DNAH11: variants seen among roughly 807,000 people sequenced by gnomAD.
DNAH11 encodes the protein axonemal beta dynein heavy chain 11.
A neutral mutation model predicts 526.0 loss-of-function variants in DNAH11; 442 were observed. The observed-to-expected ratio is 0.84, with a 90% CI of 0.78 to 0.91. The LOEUF is 0.91. DNAH11 is among the 40% of genes least tolerant of loss of function. DNAH11 has a pLI of 0.00. For synonymous variants in DNAH11, 2,461 were observed against 1,935.9 expected (o/e 1.27, Z -7.12); for missense variants, 6,989 against 5,448.7 (o/e 1.28, Z -8.90).
In DNAH11 at chr7:21,765,445, T is replaced by G. The variant is rs1284717783; in HGVS notation, c.8958T>G (p.Ser2986=). The change falls in exon 55 of 82, where the codon TCT becomes TCG. Residue 2986 remains serine (S), a synonymous_variant. Coordinates refer to ENST00000409508, the MANE Select transcript of DNAH11 (RefSeq NM_001277115.2). Reference sequence around the variant, plus strand: ...CTCCACAGATCATTTTGTGTTTCTCTCCAGTTGGTCGCACGCTGAGAGTTA... The same window carrying G: ...CTCCACAGATCATTTTGTGTTTCTCGCCAGTTGGTCGCACGCTGAGAGTTA... ...RLQLKIILCF[S]PVGRTLRVRA... The G allele has an allele frequency of 3.2e-5, 52 of 1,613,710 alleles. No homozygotes were observed. Among genetic ancestry groups the G allele is most frequent in the Non-Finnish European group, 4.2e-5 (49 of 1,179,784 alleles).
chr7:21,545,241 G>A, intron 2 of DNAH11, 92 bp downstream of exon 2: 1 of 870,986 alleles, frequency 1.1e-6, no homozygotes, highest in Non-Finnish European at 1.6e-6. Flanking sequence ...AAAAAGAAGA[G>A]CTAGGAGGGG....
chr7:21,636,411 A>G (rs1937012589), intron 26 of DNAH11, among the ~76,000 whole-genome samples: 1 of 152,180 alleles, frequency 6.6e-6, no homozygotes, highest in African/African-American at 2.4e-5. Flanking sequence ...ATGTGTCACA[A>G]AATACACTGT....
chr7:21,791,094 A>G (rs1183093288), intron 61 of DNAH11, among the ~76,000 whole-genome samples: 2 of 152,192 alleles, frequency 1.3e-5, no homozygotes, highest in South Asian at 4.1e-4. Flanking sequence ...GATGAGATAC[A>G]GAGAGACGGG....
chr7:21,603,028 C>T (rs1785152960), intron 18 of DNAH11, among the ~76,000 whole-genome samples: 1 of 152,162 alleles, frequency 6.6e-6, no homozygotes, highest in Non-Finnish European at 1.5e-5. Context: ...TGTCTCTCCC[C>T]ATTATCCTCC....
chr7:21,594,055 TAC>T (rs746527002), intron 14 of DNAH11, among the ~76,000 whole-genome samples: 3 of 77,668 alleles, frequency 3.9e-5, no homozygotes, highest in Non-Finnish European at 2.8e-5. Context: ...CACTCTTTCA[TAC>T]ACACATACAC....
At chr7:21,583,790 A>T (rs532415568) in intron 9 of DNAH11, among the ~76,000 whole-genome samples, 2 of 152,386 alleles carry the variant, frequency 1.3e-5, no homozygotes, top group Admixed American at 6.5e-5. Flanking sequence ...GACACTTCTC[A>T]AAAAGAGACA....
At chr7:21,719,899 A>G (rs574533259) in intron 43 of DNAH11, among the ~76,000 whole-genome samples, 1 of 152,240 alleles carries the variant, frequency 6.6e-6, no homozygotes, top group Admixed American at 6.5e-5. Flanking sequence ...ATTAATGACG[A>G]CTTTCTGTGC....
At chr7:21,581,702 A>C (rs1397757095) in intron 8 of DNAH11, among the ~76,000 whole-genome samples, 1 of 152,200 alleles carries the variant, frequency 6.6e-6, no homozygotes, top group Admixed American at 6.5e-5. Context: ...CTAAGCTTTC[A>C]GTGATTCTGT....
chr7:21,664,429 C>T (rs1162162913), intron 30 of DNAH11, among the ~76,000 whole-genome samples: 1 of 151,418 alleles, frequency 6.6e-6, no homozygotes, highest in South Asian at 2.1e-4. Context: ...GCAATTCTTT[C>T]AGGTTTCTAT....
At chr7:21,597,772 G>A (rs551500384) in intron 14 of DNAH11, among the ~76,000 whole-genome samples, 8 of 152,280 alleles carry the variant, frequency 5.3e-5, no homozygotes, top group Non-Finnish European at 7.4e-5. Context: ...GAGTCAAACC[G>A]TATTAATATC....
At chr7:21,790,213 A>G (rs905739989) in intron 61 of DNAH11, among the ~76,000 whole-genome samples, 4 of 151,996 alleles carry the variant, frequency 2.6e-5, no homozygotes, top group Non-Finnish European at 5.9e-5. Flanking sequence ...TTGGGAGGCC[A>G]AGGCGGGCAG....
intron 36 of DNAH11, 31 bp downstream of exon 36, chr7:21,698,244 T>C: frequency 6.2e-7 from 1 of 1,609,944 alleles, no homozygotes; most frequent in Non-Finnish European, 8.5e-7. Context: ...TTTTCTTGTT[T>C]TTACATACCA....
intron 5 of DNAH11, among the ~76,000 whole-genome samples, chr7:21,562,515 C>G (rs1239542837): frequency 6.6e-6 from 1 of 151,966 alleles, no homozygotes; most frequent in African/African-American, 2.4e-5. Flanking sequence ...AGGAATGAAT[C>G]CCAGGGTTCC....
intron 74 of DNAH11, among the ~76,000 whole-genome samples, chr7:21,874,333 T>TG (rs11387867): frequency 0.32 from 27,906 of 86,354 alleles, 2,921 homozygotes; most frequent in Non-Finnish European, 0.38. Flanking sequence ...ACATGGTTTT[T>TG]TTTTGTTTTT....
At chr7:21,791,709 T>C (rs773676460) in intron 61 of DNAH11, among the ~76,000 whole-genome samples, 6 of 152,230 alleles carry the variant, frequency 3.9e-5, no homozygotes, top group Non-Finnish European at 5.9e-5. Context: ...TAAGATACTA[T>C]TTAGTGTGCA....
chr7:21,738,585 T>C (rs1785723967), intron 46 of DNAH11, 116 bp from the exon 47 acceptor site: 2 of 1,076,528 alleles, frequency 1.9e-6, no homozygotes, highest in Non-Finnish European at 2.6e-6. Context: ...GAAGGGGCGA[T>C]ACCTGAAACC....
intron 44 of DNAH11, among the ~76,000 whole-genome samples, chr7:21,724,702 A>AGTCACTGGGCCAGGTCATCC (rs1785013748): frequency 1.3e-5 from 2 of 149,996 alleles, no homozygotes; most frequent in Admixed American, 6.6e-5. Flanking sequence ...TCATCTGTGG[A>AGTCACTGGGCCAGGTCATCC]TATGGGAGTA....
intron 68 of DNAH11, among the ~76,000 whole-genome samples, chr7:21,858,647 G>T (rs1029395630): frequency 2.0e-5 from 3 of 152,172 alleles, no homozygotes; most frequent in African/African-American, 7.2e-5. Flanking sequence ...CTATTTATGT[G>T]AAATTATAGA....
chr7:21,827,506 G>T (rs892308451), intron 65 of DNAH11, among the ~76,000 whole-genome samples: 7 of 151,540 alleles, frequency 4.6e-5, no homozygotes, highest in Non-Finnish European at 1.0e-4. Flanking sequence ...TTGTTTTGGA[G>T]TATATACATA....
Sources: gnomAD v4.1 joint callset for allele counts (sites outside exome capture counted in the v4.1 genomes callset) on GRCh38, gnomAD v4.1.1 for gene constraint, MANE v1.5 for transcripts, NCBI Gene and HGNC (gene_info 2026-07-23, HGNC 2026-07-21) for gene names.